ADCY1: variants seen among roughly 807,000 people sequenced by gnomAD.
ADCY1 encodes the protein adenylate cyclase 1, also known as adenylate cyclase type 1.
In ADCY1, 28 loss-of-function variants were observed where a neutral mutation model predicts 105.4. That is an observed-to-expected ratio of 0.27 (90% CI 0.20 to 0.36). ADCY1 has a LOEUF of 0.36. Among genes scored for constraint, ADCY1 ranks in the 10% least tolerant of loss-of-function variants. The pLI is 1.00. For missense variants in ADCY1, 977 were observed against 1,434.2 expected (o/e 0.68, Z 5.15); for synonymous variants, 655 against 623.8 (o/e 1.05, Z -0.75).
chr7:45,699,767 C>G (rs1011939956), intron 14 of ADCY1, among the ~76,000 whole-genome samples: 1 of 152,156 alleles, frequency 6.6e-6, no homozygotes, highest in Non-Finnish European at 1.5e-5. Context: ...GCGCAGCAGT[C>G]GCAGGCCTTC....
chr7:45,722,941 A>G lies in ADCY1; in HGVS notation c.*8946A>G, dbSNP rs1237394852. 1 of 152,642 alleles carries G rather than the reference A, an allele frequency of 6.6e-6. No individual in the cohort carries two copies. Among genetic ancestry groups the G allele is most frequent in the African/African-American group, 2.4e-5 (1 of 41,436 alleles). 9.5% of individuals were successfully genotyped at this position (152,642 alleles called of 1,614,324 possible). A position where few individuals can be genotyped will look rare whatever the true frequency, so the allele number is the denominator to read the frequency against. ...CCTTCCAGTCTTTTTCAAGATTGTT[A>G]AATTGAGACAAGTAATTGAATAATT... On this transcript the variant is annotated 3_prime_UTR_variant, in exon 20 of 20. Coordinates refer to ENST00000297323, the MANE Select transcript of ADCY1 (RefSeq NM_021116.4).
chr7:45,712,140 A>G (rs1156257999), intron 19 of ADCY1, among the ~76,000 whole-genome samples: 2 of 138,652 alleles, frequency 1.4e-5, no homozygotes, highest in Non-Finnish European at 3.1e-5. Context: ...TAAAATTTTT[A>G]TTTTAAATTA....
intron 1 of ADCY1, among the ~76,000 whole-genome samples, chr7:45,588,426 G>A (rs1016885237): frequency 3.3e-5 from 5 of 152,196 alleles, no homozygotes; most frequent in African/African-American, 4.8e-5. Flanking sequence ...TCATGTCCTC[G>A]TTGCTCCTGG....
At chr7:45,661,923 G>A (rs1795117379) in intron 7 of ADCY1, 136 bp from the exon 8 acceptor site, 2 of 1,082,210 alleles carry the variant, frequency 1.8e-6, no homozygotes, top group Non-Finnish European at 1.3e-6. Context: ...CCCAATGCCT[G>A]GCTTGAAGTA....
intron 5 of ADCY1, among the ~76,000 whole-genome samples, chr7:45,656,623 C>T (rs1584308765): frequency 6.6e-6 from 1 of 152,020 alleles, no homozygotes; most frequent in Non-Finnish European, 1.5e-5. Context: ...GCTCCCTGAG[C>T]CTTGGCTGGG....
intron 1 of ADCY1, among the ~76,000 whole-genome samples, chr7:45,589,460 A>G (rs964107429): frequency 6.6e-6 from 1 of 152,134 alleles, no homozygotes; most frequent in Non-Finnish European, 1.5e-5. Flanking sequence ...CTTTCTTGTC[A>G]TTGTGACATG....
chr7:45,667,315 A>T (rs1029713507), intron 8 of ADCY1, among the ~76,000 whole-genome samples: 12 of 152,204 alleles, frequency 7.9e-5, no homozygotes, highest in African/African-American at 2.7e-4. Flanking sequence ...ATAAGGCGTA[A>T]GGAAGGGGTC....
At chr7:45,610,056 G>A (rs1793491033) in intron 2 of ADCY1, among the ~76,000 whole-genome samples, 1 of 152,178 alleles carries the variant, frequency 6.6e-6, no homozygotes, top group Admixed American at 6.5e-5. Flanking sequence ...TAGGGGGAGG[G>A]AGAGAAGCCA....
chr7:45,690,837 G>T (rs2116223832), intron 14 of ADCY1, among the ~76,000 whole-genome samples: 1 of 152,374 alleles, frequency 6.6e-6, no homozygotes, highest in Admixed American at 6.5e-5. Context: ...GGGAGGATAT[G>T]TTGACCCAGC....
In ADCY1 at chr7:45,714,502, G is replaced by C. The variant is rs1488257903; in HGVS notation, c.*507G>C. Reference sequence around the variant, plus strand: ...CCCTGGGCAGCGGCTTCAAGAGCCAGAGTGGGAAGTCAGGCCTCTCTGGGA... The same window carrying C: ...CCCTGGGCAGCGGCTTCAAGAGCCACAGTGGGAAGTCAGGCCTCTCTGGGA... On this transcript the variant is annotated 3_prime_UTR_variant, in exon 20 of 20. Coordinates refer to ENST00000297323, the MANE Select transcript of ADCY1 (RefSeq NM_021116.4). The C allele has an allele frequency of 6.1e-6, 1 of 163,942 alleles. No individual in the cohort carries two copies. The highest frequency in any genetic ancestry group is 2.4e-5 in the African/African-American group (1 of 41,684). 10.2% of individuals were successfully genotyped at this position (163,942 alleles called of 1,614,324 possible). A position where few individuals can be genotyped will look rare whatever the true frequency, so the allele number is the denominator to read the frequency against.
At chr7:45,666,142 T>C (rs1784250602) in intron 8 of ADCY1, among the ~76,000 whole-genome samples, 1 of 152,214 alleles carries the variant, frequency 6.6e-6, no homozygotes, top group South Asian at 2.1e-4. Context: ...CTCTCTCTTT[T>C]TTTTAAATTA....
chr7:45,656,169 G>A (rs951109227), intron 5 of ADCY1, among the ~76,000 whole-genome samples: 1 of 151,988 alleles, frequency 6.6e-6, no homozygotes, highest in African/African-American at 2.4e-5. Context: ...TGGGCATGGT[G>A]GTGGGCGCCT....
intron 4 of ADCY1, among the ~76,000 whole-genome samples, chr7:45,626,349 C>G (rs991248590): frequency 5.3e-5 from 8 of 152,206 alleles, no homozygotes; most frequent in Non-Finnish European, 1.5e-5. Flanking sequence ...TGTGCCTGCC[C>G]AGCAGCTGAG....
intron 8 of ADCY1, among the ~76,000 whole-genome samples, chr7:45,663,905 T>C (rs1795198267): frequency 1.3e-5 from 2 of 151,956 alleles, no homozygotes; most frequent in Non-Finnish European, 2.9e-5. Context: ...AGCTATAGCA[T>C]AGGAACCACG....
chr7:45,652,140 A>G (rs1388816428), intron 5 of ADCY1, among the ~76,000 whole-genome samples: 1 of 152,158 alleles, frequency 6.6e-6, no homozygotes, highest in African/African-American at 2.4e-5. Flanking sequence ...CACACTTTCA[A>G]ACAACCAGAT....
At chr7:45,632,530 T>C (rs1794285422) in intron 4 of ADCY1, among the ~76,000 whole-genome samples, 1 of 122,320 alleles carries the variant, frequency 8.2e-6, no homozygotes. Flanking sequence ...ATTCTATACA[T>C]TTCTCAGAAA....
chr7:45,614,816 C>T (rs1432488448), intron 3 of ADCY1, among the ~76,000 whole-genome samples: 2 of 151,914 alleles, frequency 1.3e-5, no homozygotes, highest in Admixed American at 6.6e-5. Context: ...GGGTCAGCTC[C>T]CAGGAAGATA....
chr7:45,586,653 G>A (rs1383901479), intron 1 of ADCY1, among the ~76,000 whole-genome samples: 1 of 152,240 alleles, frequency 6.6e-6, no homozygotes, highest in Non-Finnish European at 1.5e-5. Context: ...ATGGTTTAAA[G>A]AGAATGATGT....
chr7:45,614,128 T>G (rs1205311609), intron 3 of ADCY1, among the ~76,000 whole-genome samples: 3 of 152,208 alleles, frequency 2.0e-5, no homozygotes, highest in African/African-American at 7.2e-5. Context: ...TGTATTACTG[T>G]AATTGTAGTG....
Sources: gnomAD v4.1 joint callset for allele counts (sites outside exome capture counted in the v4.1 genomes callset) on GRCh38, gnomAD v4.1.1 for gene constraint, MANE v1.5 for transcripts, NCBI Gene and HGNC (gene_info 2026-07-23, HGNC 2026-07-21) for gene names.